The following ARHGAP24 variants were observed in gnomAD, a reference collection of about 807,000 sequenced individuals.
ARHGAP24 encodes the protein rho GTPase-activating protein 24.
Under a neutral mutation model 76.4 loss-of-function variants are expected in ARHGAP24, and 50 were observed. The observed-to-expected ratio is 0.65, with a 90% CI of 0.52 to 0.83. The LOEUF (loss-of-function observed/expected upper bound fraction) is 0.83. Among genes scored for constraint, ARHGAP24 ranks in the 40% least tolerant of loss-of-function variants. ARHGAP24 has a pLI of 0.00. For missense variants in ARHGAP24, 930 were observed against 914.2 expected (o/e 1.02, Z -0.22); for synonymous variants, 345 against 323.3 (o/e 1.07, Z -0.72).
At chr4:85,592,298 A>C (rs1455927415) in intron 2 of ARHGAP24, among the ~76,000 whole-genome samples, 2 of 152,144 alleles carry the variant, frequency 1.3e-5, no homozygotes, top group African/African-American at 4.8e-5. Flanking sequence ...TGCCATTTGT[A>C]TGTCTTCTTT....
At chr4:85,899,434 A>G (rs1484943595) in intron 3 of ARHGAP24, among the ~76,000 whole-genome samples, 2 of 152,206 alleles carry the variant, frequency 1.3e-5, no homozygotes, top group African/African-American at 4.8e-5. Flanking sequence ...AGAGGTCACT[A>G]ATTCTTTTCT....
chr4:85,643,234 G>GTTTTTTTTTTTTTTTTTTTTTTTTTT (rs70948741), intron 2 of ARHGAP24, among the ~76,000 whole-genome samples: 1 of 54,610 alleles, frequency 1.8e-5, no homozygotes, highest in Non-Finnish European at 3.3e-5. Flanking sequence ...GTTTTTTTGT[G>GTTTTTTTTTTTTTTTTTTTTTTTTTT]TTTTTTTTTT....
chr4:85,577,436 G>A (rs1727425772), intron 2 of ARHGAP24, among the ~76,000 whole-genome samples: 1 of 152,150 alleles, frequency 6.6e-6, no homozygotes, highest in African/African-American at 2.4e-5. Flanking sequence ...TGCCTAGAAG[G>A]ATCAGATGGA....
chr4:85,894,988 AC>A (rs761810223), intron 3 of ARHGAP24, among the ~76,000 whole-genome samples: 1,205 of 16,582 alleles, frequency 0.073, 11 homozygotes, highest in East Asian at 0.17. Context: ...AAAAAAAAAA[AC>A]AAAACAAAAA....
At chr4:85,668,216 A>G (rs1426223900) in intron 2 of ARHGAP24, among the ~76,000 whole-genome samples, 1 of 152,188 alleles carries the variant, frequency 6.6e-6, no homozygotes, top group Non-Finnish European at 1.5e-5. Flanking sequence ...TTACTCTAAT[A>G]CTATGTTCAT....
At chr4:85,868,477 G>T (rs1033772624) in intron 3 of ARHGAP24, among the ~76,000 whole-genome samples, 2 of 152,118 alleles carry the variant, frequency 1.3e-5, no homozygotes, top group Non-Finnish European at 1.5e-5. Context: ...TTGCAGGGCC[G>T]TTTCTCCCAA....
chr4:85,593,394 C>T (rs1728195734), intron 2 of ARHGAP24, among the ~76,000 whole-genome samples: 1 of 152,086 alleles, frequency 6.6e-6, no homozygotes, highest in Non-Finnish European at 1.5e-5. Flanking sequence ...TATTTTCCCC[C>T]ATTCTGTGGG....
intron 2 of ARHGAP24, among the ~76,000 whole-genome samples, chr4:85,623,987 G>T (rs1353966822): frequency 6.6e-6 from 1 of 152,068 alleles, no homozygotes; most frequent in African/African-American, 2.4e-5. Flanking sequence ...GAGATTTTGG[G>T]CTGAGACAAT....
intron 2 of ARHGAP24, among the ~76,000 whole-genome samples, chr4:85,683,106 GT>G (rs1174025400): frequency 8.2e-5 from 8 of 97,416 alleles, no homozygotes; most frequent in Non-Finnish European, 1.7e-4. Flanking sequence ...CTCTCTCAGT[GT>G]GTGGGGGGGT....
chr4:85,747,746 T>C (rs1560613853), intron 3 of ARHGAP24, among the ~76,000 whole-genome samples: 1 of 151,804 alleles, frequency 6.6e-6, no homozygotes, highest in Non-Finnish European at 1.5e-5. Flanking sequence ...AGCTGAAAAT[T>C]GAATATCTGC....
At chr4:85,479,044 A>G (rs1291091363) in intron 1 of ARHGAP24, among the ~76,000 whole-genome samples, 2 of 152,234 alleles carry the variant, frequency 1.3e-5, no homozygotes, top group African/African-American at 2.4e-5. Flanking sequence ...TGTTTCCCCA[A>G]TAAGTGGGCA....
intron 3 of ARHGAP24, among the ~76,000 whole-genome samples, chr4:85,875,719 A>T (rs1222858723): frequency 1.5e-5 from 2 of 137,344 alleles, no homozygotes; most frequent in South Asian, 2.1e-4. Flanking sequence ...TTTATATATA[A>T]AAATATACAT....
chr4:85,542,711 T>G (rs1030558313), intron 1 of ARHGAP24, among the ~76,000 whole-genome samples: 1 of 152,210 alleles, frequency 6.6e-6, no homozygotes, highest in Non-Finnish European at 1.5e-5. Context: ...AATTAATGAC[T>G]AGTTAAATTT....
chr4:85,638,207 G>C (rs1721396758), intron 2 of ARHGAP24, among the ~76,000 whole-genome samples: 1 of 152,086 alleles, frequency 6.6e-6, no homozygotes, highest in African/African-American at 2.4e-5. Flanking sequence ...AAATCATTTT[G>C]TGCTAGTCTT....
At chr4:85,958,048 C>T (rs976641680) in intron 5 of ARHGAP24, among the ~76,000 whole-genome samples, 3 of 152,096 alleles carry the variant, frequency 2.0e-5, no homozygotes, top group African/African-American at 7.2e-5. Context: ...CATTATTGGG[C>T]ATATCTATCA....
chr4:85,912,312 A>T (rs116109353), intron 3 of ARHGAP24, among the ~76,000 whole-genome samples: 29 of 152,304 alleles, frequency 1.9e-4, no homozygotes, highest in Non-Finnish European at 3.7e-4. Context: ...CCAGGCCCAT[A>T]AGAAAAATTT....
intron 1 of ARHGAP24, among the ~76,000 whole-genome samples, chr4:85,507,626 A>C (rs1468720341): frequency 6.6e-6 from 1 of 152,178 alleles, no homozygotes; most frequent in African/African-American, 2.4e-5. Context: ...CTATGGCTGG[A>C]TAGTTCTGTT....
At chr4:85,629,979 G>C (rs1032701677) in intron 2 of ARHGAP24, among the ~76,000 whole-genome samples, 12 of 151,746 alleles carry the variant, frequency 7.9e-5, no homozygotes, top group African/African-American at 2.9e-4. Flanking sequence ...TGTGTATATT[G>C]GTTCCACTGA....
rs144931978 is a variant in ARHGAP24 at position 85,555,307 on chromosome 4, T to C, written c.-20-15215T>C. 5.8e-3 allele frequency among the ~76,000 whole-genome samples: 880 copies of C among 152,298 alleles called. 6 individuals are homozygous for C. The highest frequency in any genetic ancestry group is 0.01 in the Non-Finnish European group (694 of 68,028). ...GTGCTTTAGTTTGAGTACAGTCAGT[T>C]GACTTCTTTTCAGGATGTTTTTGGA... On this transcript the variant is annotated intron_variant, in intron 1 of 9. Coordinates refer to ENST00000395184, the MANE Select transcript of ARHGAP24 (RefSeq NM_001025616.3).
Sources: gnomAD v4.1 joint callset for allele counts (sites outside exome capture counted in the v4.1 genomes callset) on GRCh38, gnomAD v4.1.1 for gene constraint, MANE v1.5 for transcripts, NCBI Gene and HGNC (gene_info 2026-07-23, HGNC 2026-07-21) for gene names.